The following TMCC3 variants were observed in gnomAD, a reference collection of about 807,000 sequenced individuals.
The protein encoded by TMCC3 is transmembrane and coiled-coil domain protein 3.
Under a neutral mutation model 40.2 loss-of-function variants are expected in TMCC3, and 28 were observed. The ratio of observed to expected loss-of-function variants is 0.70; its 90% CI spans 0.52 to 0.95. The LOEUF (loss-of-function observed/expected upper bound fraction) is 0.95. Ranked by LOEUF, TMCC3 falls within the 40% of genes least tolerant of loss-of-function variation. The probability of loss-of-function intolerance (pLI) is 0.00; values close to 1 mark genes in which losing one functional copy is unlikely to be tolerated. For missense variants in TMCC3, 554 were observed against 615.2 expected, an observed-to-expected ratio of 0.90 and a Z score of 1.05; for synonymous variants, 255 against 248.5, an observed-to-expected ratio of 1.03 and a Z score of -0.25.
rs1191920127 is a variant in TMCC3, at chr12:94,617,990, T to A, written c.78+32363A>T. On this transcript the variant is annotated intron_variant, in intron 1 of 3. Transcript: ENST00000261226. ...TAAATAATGAATTCCAGCAAATGGA[T>A]CTTGCCTTAAACCAAATGTTAAGTC... 2.0e-5 allele frequency among the ~76,000 whole-genome samples: 3 copies of A among 152,234 alleles called. No individual in the cohort carries two copies. In the South Asian group the frequency reaches 6.2e-4, roughly 32 times the overall value.
intron 1 of TMCC3, among the ~76,000 whole-genome samples, chr12:94,645,412 T>C (rs2069012918): frequency 6.6e-6 from 1 of 152,130 alleles, no homozygotes; most frequent in African/African-American, 2.4e-5. Context: ...TAGAAGTGTT[T>C]CAGATTTCAG....
At chr12:94,616,478 A>G (rs2068848572) in intron 1 of TMCC3, 1 of 152,314 alleles carries the variant, frequency 6.6e-6, no homozygotes, top group South Asian at 2.1e-4. Context: ...CAGTCAGGAG[A>G]CTCTCTGTTG....
At chr12:94,618,648 G>T (rs753900799) in intron 1 of TMCC3, among the ~76,000 whole-genome samples, 1 of 152,104 alleles carries the variant, frequency 6.6e-6, no homozygotes, top group South Asian at 2.1e-4. Context: ...GTCCCCAAGG[G>T]CCGAGGAAGA....
intron 1 of TMCC3, among the ~76,000 whole-genome samples, chr12:94,632,236 T>G (rs989782388): frequency 6.6e-6 from 1 of 152,252 alleles, no homozygotes; most frequent in African/African-American, 2.4e-5. Context: ...GTTATAAGAC[T>G]GTATGTGTTC....
At chr12:94,601,738 G>A (rs566907223) in intron 1 of TMCC3, among the ~76,000 whole-genome samples, 2 of 143,116 alleles carry the variant, frequency 1.4e-5, no homozygotes, top group South Asian at 4.5e-4. Context: ...GAACCCGGGA[G>A]GCAGAGGTTG....
Position 94,569,706 on chromosome 12 carries a change from A to AT in TMCC3, c.*1728dup, listed in dbSNP as rs1408749957. ...CTCACACACACTGGACTTGTACTAA[A>AT]TGCTCAACGATTCCATTCTCTCAGA... On this transcript the variant is annotated 3_prime_UTR_variant, in exon 4 of 4. Coordinates refer to ENST00000261226, the MANE Select transcript of TMCC3 (RefSeq NM_020698.4). 8.5e-5 allele frequency: 13 copies of AT among 152,286 alleles called. No individual in the cohort carries two copies. Among genetic ancestry groups the AT allele is most frequent in the African/African-American group, 2.4e-4 (10 of 41,576 alleles). 9.4% of individuals were successfully genotyped at this position (152,286 alleles called of 1,614,324 possible).
intron 1 of TMCC3, chr12:94,590,900 A>G (rs1293832071): frequency 1.9e-5 from 11 of 584,372 alleles, no homozygotes; most frequent in African/African-American, 1.9e-4. Context: ...AGCCTAGATG[A>G]GTGAGTTTAT....
At chr12:94,610,399 C>T (rs946187086) in intron 1 of TMCC3, among the ~76,000 whole-genome samples, 1 of 151,030 alleles carries the variant, frequency 6.6e-6, no homozygotes, top group Non-Finnish European at 1.5e-5. Context: ...TTTGGGCTTC[C>T]ATATAGTTCT....
At chr12:94,605,650 T>C (rs559076181) in intron 1 of TMCC3, among the ~76,000 whole-genome samples, 1 of 152,332 alleles carries the variant, frequency 6.6e-6, no homozygotes, top group South Asian at 2.1e-4. Flanking sequence ...ATCTCTCTTC[T>C]ACAGGCTCAA....
chr12:94,633,447 T>C (rs2068944126), intron 1 of TMCC3, among the ~76,000 whole-genome samples: 1 of 152,196 alleles, frequency 6.6e-6, no homozygotes, highest in South Asian at 2.1e-4. Flanking sequence ...AGTTTTAAAA[T>C]TTTTTTCCAT....
chr12:94,610,941 A>G (rs2068812641), intron 1 of TMCC3, among the ~76,000 whole-genome samples: 1 of 152,174 alleles, frequency 6.6e-6, no homozygotes, highest in African/African-American at 2.4e-5. Flanking sequence ...TTTGTTTTAT[A>G]TTATCTTTTT....
intron 1 of TMCC3, among the ~76,000 whole-genome samples, chr12:94,592,841 C>A (rs1471969631): frequency 6.6e-6 from 1 of 151,594 alleles, no homozygotes; most frequent in Non-Finnish European, 1.5e-5. Flanking sequence ...GTTTAAGAGT[C>A]TCAAAAACAA....
rs775574719 is a variant in TMCC3, at chr12:94,578,541, A to G, written c.996-12T>C. On this transcript the variant is annotated splice_polypyrimidine_tract_variant and intron_variant, in intron 2 of 3. Coordinates refer to ENST00000261226, the MANE Select transcript of TMCC3 (RefSeq NM_020698.4). ...CCAGTCGCTCATACCTTTAAAAGAG[A>G]GGAGCCGATTCCCAGTGTGACCTTT... 1.9e-6 allele frequency: 3 copies of G among 1,609,974 alleles called. No homozygotes were observed. Among genetic ancestry groups the G allele is most frequent in the South Asian group, 2.2e-5 (2 of 90,620 alleles).
At chr12:94,580,004 T>G (rs1304817120) in intron 2 of TMCC3, among the ~76,000 whole-genome samples, 1 of 152,216 alleles carries the variant, frequency 6.6e-6, no homozygotes, top group Non-Finnish European at 1.5e-5. Flanking sequence ...AAGATGCATA[T>G]GGAAAGATTT....
chr12:94,639,975 G>A (rs1426964569), intron 1 of TMCC3, among the ~76,000 whole-genome samples: 1 of 152,084 alleles, frequency 6.6e-6, no homozygotes, highest in Admixed American at 6.5e-5. Context: ...ATGAAGGAAC[G>A]AAAGGAGATG....
chr12:94,610,539 A>G (rs2138858828), intron 1 of TMCC3, among the ~76,000 whole-genome samples: 1 of 152,286 alleles, frequency 6.6e-6, no homozygotes, highest in Middle Eastern at 3.4e-3. Flanking sequence ...GCTTCTAAAA[A>G]AATGATAGTC....
chr12:94,641,538 G>A (rs2068991006), intron 1 of TMCC3, among the ~76,000 whole-genome samples: 1 of 152,180 alleles, frequency 6.6e-6, no homozygotes. Flanking sequence ...CTCTCCATGG[G>A]CCATCGGACT....
chr12:94,614,155 T>A (rs1594288501), intron 1 of TMCC3, among the ~76,000 whole-genome samples: 1 of 151,222 alleles, frequency 6.6e-6, no homozygotes, highest in Non-Finnish European at 1.5e-5. Flanking sequence ...AATGTGTGTG[T>A]GTGTTTGCTT....
chr12:94,578,255 T>C, intron 3 of TMCC3, 139 bp downstream of exon 3: 1 of 917,982 alleles, frequency 1.1e-6, no homozygotes, highest in Non-Finnish European at 1.6e-6. Context: ...GTGGTACAGA[T>C]AAAATGTTTG....
Sources: gnomAD v4.1 joint callset for allele counts (sites outside exome capture counted in the v4.1 genomes callset) on GRCh38, gnomAD v4.1.1 for gene constraint, MANE v1.5 for transcripts, NCBI Gene and HGNC (gene_info 2026-07-23, HGNC 2026-07-21) for gene names.